TSPAN14: variants seen among roughly 807,000 people sequenced by gnomAD.
TSPAN14 encodes tetraspanin 14, also known as tetraspanin-14.
A neutral mutation model predicts 36.6 loss-of-function variants in TSPAN14; 16 were observed. The observed-to-expected ratio is 0.44, with a 90% CI of 0.30 to 0.66. The LOEUF (loss-of-function observed/expected upper bound fraction) is 0.66, where lower values mean the gene tolerates loss of function less well. Among genes scored for constraint, TSPAN14 ranks in the 30% least tolerant of loss-of-function variants. The pLI is 0.12. For synonymous variants in TSPAN14, 139 were observed against 143.8 expected (o/e 0.97, Z 0.24); for missense variants, 231 against 355.1 (o/e 0.65, Z 2.81).
chr10:80,488,024 C>T (rs970276212), intron 1 of TSPAN14, among the ~76,000 whole-genome samples: 19 of 152,204 alleles, frequency 1.2e-4, no homozygotes, highest in African/African-American at 4.6e-4. Flanking sequence ...GTAGCCACTC[C>T]GTGGAAGCTG....
At chr10:80,518,226 G>A (rs1841052102) in exon 9 of TSPAN14, 5 of 542,042 alleles carry the variant, frequency 9.2e-6, no homozygotes, top group Non-Finnish European at 1.7e-5. Context: ...GTGTCTTTAT[G>A]TGGGAGTGGT....
intron 1 of TSPAN14, among the ~76,000 whole-genome samples, chr10:80,460,639 T>G (rs1002084469): frequency 1.3e-5 from 2 of 152,084 alleles, no homozygotes. Flanking sequence ...CTTGTAAGTG[T>G]CACTCTCTTT....
At chr10:80,456,020 A>G (rs779852890) in intron 1 of TSPAN14, among the ~76,000 whole-genome samples, 10 of 151,870 alleles carry the variant, frequency 6.6e-5, no homozygotes, top group Non-Finnish European at 1.3e-4. Context: ...ACATCTCTGA[A>G]CTCCACTGCT....
chr10:80,495,075 T>G (rs1848125309), intron 2 of TSPAN14, among the ~76,000 whole-genome samples: 1 of 152,224 alleles, frequency 6.6e-6, no homozygotes, highest in South Asian at 2.1e-4. Context: ...TCCAATTGTA[T>G]TTTTAGAAAT....
At chr10:80,503,673 C>G (rs145318352) in intron 2 of TSPAN14, among the ~76,000 whole-genome samples, 2 of 152,216 alleles carry the variant, frequency 1.3e-5, no homozygotes, top group East Asian at 3.9e-4. Flanking sequence ...GATCACAGAT[C>G]ACTTTCAGGT....
At chr10:80,503,894 G>C (rs1156471933) in intron 2 of TSPAN14, among the ~76,000 whole-genome samples, 1 of 152,076 alleles carries the variant, frequency 6.6e-6, no homozygotes, top group Non-Finnish European at 1.5e-5. Context: ...ACAGGAGGCA[G>C]CTTTATTAAC....
chr10:80,502,966 T>C (rs1848604806), intron 2 of TSPAN14, among the ~76,000 whole-genome samples: 2 of 151,862 alleles, frequency 1.3e-5, no homozygotes, highest in South Asian at 4.2e-4. Context: ...GGGCATATGC[T>C]TGGGGTCCCC....
intron 3 of TSPAN14, 47 bp from the exon 4 acceptor site, chr10:80,507,181 A>C: frequency 1.2e-6 from 2 of 1,611,310 alleles, no homozygotes; most frequent in African/African-American, 1.3e-5. Context: ...AGCATCCTTG[A>C]CTCCCCTTCT....
intron 1 of TSPAN14, among the ~76,000 whole-genome samples, chr10:80,478,819 C>T (rs1847072076): frequency 2.6e-5 from 4 of 152,124 alleles, no homozygotes; most frequent in African/African-American, 4.8e-5. Context: ...ACCAGGAGGT[C>T]GAGACCAGCC....
chr10:80,506,393 G>A (rs1052647340), intron 3 of TSPAN14, among the ~76,000 whole-genome samples: 24 of 152,194 alleles, frequency 1.6e-4, no homozygotes, highest in Non-Finnish European at 3.4e-4. Context: ...GGTCTTAGAT[G>A]ATATCTGATC....
intron 1 of TSPAN14, among the ~76,000 whole-genome samples, chr10:80,466,015 C>T (rs188027505): frequency 2.6e-5 from 4 of 152,250 alleles, no homozygotes; most frequent in East Asian, 3.9e-4. Flanking sequence ...GAGGTGTGCC[C>T]GCCCCAACCC....
chr10:80,500,919 A>G (rs1008511131), intron 2 of TSPAN14, among the ~76,000 whole-genome samples: 1 of 152,174 alleles, frequency 6.6e-6, no homozygotes, highest in Non-Finnish European at 1.5e-5. Flanking sequence ...GGGGATATGA[A>G]CTGCTCTTGA....
rs1365946716 is a variant in TSPAN14, at chr10:80,507,217, G to C, written c.133-11G>C. ...GGGCCAGTGCTGCCCTGCTTTCTCT[G>C]TCTCTTTCAGGGTGTGCTGTCCGAC... On this transcript the variant is annotated splice_polypyrimidine_tract_variant and intron_variant, in intron 3 of 8. Coordinates refer to ENST00000429989, the Ensembl canonical transcript of TSPAN14. The C allele has an allele frequency of 6.8e-6, 11 of 1,614,184 alleles. No homozygotes were observed. The highest frequency in any genetic ancestry group is 9.3e-6 in the Non-Finnish European group (11 of 1,180,018).
intron 1 of TSPAN14, among the ~76,000 whole-genome samples, chr10:80,484,425 A>G (rs1847482077): frequency 6.6e-6 from 1 of 152,020 alleles, no homozygotes; most frequent in Admixed American, 6.6e-5. Context: ...CCCAGGCTCA[A>G]GCGATTATCC....
chr10:80,499,587 A>G (rs1180977733), intron 2 of TSPAN14, among the ~76,000 whole-genome samples: 1 of 152,188 alleles, frequency 6.6e-6, no homozygotes. Flanking sequence ...CTGTGTTGCC[A>G]GGGTCAGAGG....
intron 1 of TSPAN14, among the ~76,000 whole-genome samples, chr10:80,465,710 G>GA (rs1289787163): frequency 1.3e-5 from 2 of 152,194 alleles, no homozygotes; most frequent in Non-Finnish European, 2.9e-5. Context: ...GTCTTTGGCA[G>GA]AAAAAGCCAC....
intron 1 of TSPAN14, among the ~76,000 whole-genome samples, chr10:80,465,771 CA>C (rs1564710136): frequency 6.6e-6 from 1 of 152,214 alleles, no homozygotes; most frequent in Non-Finnish European, 1.5e-5. Context: ...TTGTTGAAAA[CA>C]GAGGCAGGAT....
intron 4 of TSPAN14, among the ~76,000 whole-genome samples, chr10:80,508,693 G>T (rs941005882): frequency 2.2e-4 from 33 of 152,172 alleles, no homozygotes; most frequent in African/African-American, 8.0e-4. Context: ...GGCACTTCCA[G>T]AATTGTAAAG....
intron 2 of TSPAN14, among the ~76,000 whole-genome samples, chr10:80,493,895 C>T (rs1848052939): frequency 6.6e-6 from 1 of 152,190 alleles, no homozygotes; most frequent in South Asian, 2.1e-4. Flanking sequence ...TTCCACAAAG[C>T]ACTTGGACTT....
Sources: allele counts gnomAD v4.1 joint callset (sites outside exome capture counted in the v4.1 genomes callset), GRCh38; gene constraint gnomAD v4.1.1; transcripts MANE v1.5; gene names NCBI Gene and HGNC (gene_info 2026-07-23, HGNC 2026-07-21).